The following CFAP47 variants were observed in gnomAD, a reference collection of about 807,000 sequenced individuals.
The protein encoded by CFAP47 is cilia and flagella associated protein 47.
In CFAP47, 29 loss-of-function variants were observed where a neutral mutation model predicts 148.1. The observed-to-expected ratio is 0.20, with a 90% CI of 0.15 to 0.27. The LOEUF (loss-of-function observed/expected upper bound fraction) is 0.27. CFAP47 is among the 10% of genes least tolerant of loss of function. CFAP47 has a pLI of 1.00. For missense variants in CFAP47, 1,872 were observed against 1,697.5 expected (o/e 1.10, Z -1.81); for synonymous variants, 664 against 577.3 (o/e 1.15, Z -2.15).
At chrX:36,295,396 T>G (rs1941233074) in intron 51 of CFAP47, among the ~76,000 whole-genome samples, 1 of 112,475 alleles carries the variant, frequency 8.9e-6, no homozygotes, top group African/African-American at 3.2e-5. Flanking sequence ...ACTTCTCATT[T>G]AGTAAGAGTT....
intron 39 of CFAP47, among the ~76,000 whole-genome samples, chrX:36,166,589 C>G (rs896439135): frequency 2.7e-5 from 3 of 110,882 alleles, no homozygotes; most frequent in Non-Finnish European, 3.8e-5. Context: ...GATTTCTGTT[C>G]AATCTGATAC....
intron 48 of CFAP47, among the ~76,000 whole-genome samples, chrX:36,247,547 T>C (rs6632536): frequency 0.35 from 39,004 of 110,645 alleles, 7,596 homozygotes; most frequent in African/African-American, 0.75. Flanking sequence ...GAAGGATAGG[T>C]GCATACTGGA....
At position 36,200,363 on chromosome X, in the gene CFAP47, A is replaced by G. The variant is rs1473715025; in HGVS notation, c.6322-16A>G. On this transcript the variant is annotated splice_polypyrimidine_tract_variant and intron_variant, in intron 42 of 63. Coordinates refer to ENST00000378653, the MANE Select transcript of CFAP47 (RefSeq NM_001304548.2). ...AGAGATTTTGAAATTTAATACTATA[A>G]TGTCTTGTGTTTTAGATTGGACAAT... 1 of 294,860 alleles carries G rather than the reference A, an allele frequency of 3.4e-6. No homozygotes were observed. The highest frequency in any genetic ancestry group is 2.8e-5 in the African/African-American group (1 of 36,279). The allele number at this position is 294,860 out of a possible 1,213,427, so 24.3% of individuals were successfully genotyped here.
intron 8 of CFAP47, among the ~76,000 whole-genome samples, chrX:35,962,744 C>T (rs1428001429): frequency 9.0e-6 from 1 of 110,505 alleles, no homozygotes; most frequent in Non-Finnish European, 1.9e-5. Flanking sequence ...GTGTTTTTGC[C>T]TACTCCACCA....
intron 56 of CFAP47, among the ~76,000 whole-genome samples, chrX:36,311,907 A>C (rs1941396938): frequency 9.0e-6 from 1 of 110,979 alleles, no homozygotes; most frequent in Non-Finnish European, 1.9e-5. Context: ...TCATTTCTTC[A>C]TCTTCTTGGA....
At chrX:35,925,956 T>C (rs1381216759) in intron 1 of CFAP47, 61 bp from the exon 2 acceptor site, 1 of 977,544 alleles carries the variant, frequency 1.0e-6, no homozygotes, top group African/African-American at 2.2e-5. Context: ...TGCCCAGCCA[T>C]GGTATTTTTT....
intron 57 of CFAP47, among the ~76,000 whole-genome samples, chrX:36,346,073 G>T (rs932680124): frequency 8.9e-6 from 1 of 111,774 alleles, no homozygotes; most frequent in Non-Finnish European, 1.9e-5. Flanking sequence ...ATCTTGTAAA[G>T]CAGTGTTACT....
chrX:36,027,393 T>C (rs1454819702), intron 22 of CFAP47, among the ~76,000 whole-genome samples: 1 of 109,725 alleles, frequency 9.1e-6, no homozygotes, highest in African/African-American at 3.3e-5. Flanking sequence ...GGTATGTCCA[T>C]GTGTCTCCAT....
intron 42 of CFAP47, among the ~76,000 whole-genome samples, chrX:36,194,500 A>C (rs1324456486): frequency 9.0e-6 from 1 of 111,624 alleles, no homozygotes; most frequent in Non-Finnish European, 1.9e-5. Context: ...TCATTCTCAC[A>C]CTACTATAAA....
At chrX:36,379,612 T>C in intron 63 of CFAP47, 94 bp downstream of exon 63, 1 of 697,247 alleles carries the variant, frequency 1.4e-6, no homozygotes, top group South Asian at 2.7e-5. Flanking sequence ...TGGTGACAGA[T>C]AAAGAATAAC....
chrX:36,337,559 G>A (rs957062407), intron 57 of CFAP47, among the ~76,000 whole-genome samples: 1 of 111,590 alleles, frequency 9.0e-6, no homozygotes, highest in Non-Finnish European at 1.9e-5. Flanking sequence ...ATTTCCTACA[G>A]TGAATTGAAA....
intron 48 of CFAP47, among the ~76,000 whole-genome samples, chrX:36,244,542 A>T (rs782039124): frequency 6.9e-4 from 77 of 111,699 alleles, no homozygotes; most frequent in African/African-American, 2.4e-3. Context: ...ATTGTAAATG[A>T]TGAAGACATT....
At chrX:36,234,177 G>T (rs1298012119) in intron 46 of CFAP47, among the ~76,000 whole-genome samples, 1 of 109,584 alleles carries the variant, frequency 9.1e-6, no homozygotes, top group East Asian at 2.9e-4. Context: ...GCTAGATTGG[G>T]GAAGTTCTCC....
intron 46 of CFAP47, among the ~76,000 whole-genome samples, chrX:36,235,078 C>T (rs1034785582): frequency 9.0e-6 from 1 of 111,414 alleles, no homozygotes; most frequent in African/African-American, 3.3e-5. Flanking sequence ...CAGGGACGCA[C>T]TTGAGGAGGT....
In CFAP47 at chrX:36,379,488, T is replaced by C; in HGVS notation, c.9324T>C (p.Cys3108=). ...ITVGFKPKMY[C]RKYKATLVIQ... is the part of the protein sequence containing the mutation. The stretch of plus-strand genomic sequence containing the variant: ...TAGGATTTAAACCTAAAATGTACTG[T>C]AGGAAATATAAAGCAACATTAGTAA... Residue 3108 remains cysteine, a synonymous_variant, in exon 63 of 64, where the codon TGT becomes TGC. Transcript: ENST00000378653. The C allele has an allele frequency of 8.6e-7, 1 of 1,163,462 alleles. No individual in the cohort carries two copies. Among genetic ancestry groups the C allele is most frequent in the Non-Finnish European group, 1.2e-6 (1 of 869,185 alleles).
chrX:36,250,402 C>T (rs1555997976), intron 48 of CFAP47, among the ~76,000 whole-genome samples: 1 of 110,171 alleles, frequency 9.1e-6, no homozygotes, highest in African/African-American at 3.3e-5. Context: ...TTATCAGGAG[C>T]TGATGGGGGG....
At chrX:35,955,853 G>C in intron 7 of CFAP47, 108 bp from the exon 8 acceptor site, 1 of 1,073,141 alleles carries the variant, frequency 9.3e-7, no homozygotes. Flanking sequence ...AAGATTGAAT[G>C]AGCTACCCAA....
chrX:36,210,022 C>T (rs907692296), intron 45 of CFAP47, among the ~76,000 whole-genome samples: 7 of 111,625 alleles, frequency 6.3e-5, no homozygotes, highest in Admixed American at 1.9e-4. Flanking sequence ...GGCTTCTTCA[C>T]GTAGCAGTAT....
rs1355533446 is a variant in CFAP47 at position 36,280,098 on chromosome X, T to C, written c.7445-389T>C. ...TGGGATATTGTGATATTATATAAAA[T>C]AAAATAAATATTATTTTAATGGGGT... On this transcript the variant is annotated intron_variant, in intron 49 of 63. Transcript: ENST00000378653. 1.1e-4 allele frequency among the ~76,000 whole-genome samples: 12 copies of C among 111,006 alleles called. No individual in the cohort carries two copies. In the Admixed American group the frequency reaches 1.2e-3, roughly 11 times the overall value.
Sources: allele counts gnomAD v4.1 joint callset (sites outside exome capture counted in the v4.1 genomes callset), GRCh38; gene constraint gnomAD v4.1.1; transcripts MANE v1.5; gene names NCBI Gene and HGNC (gene_info 2026-07-23, HGNC 2026-07-21).